The following ALK variants were observed in gnomAD, a reference collection of about 807,000 sequenced individuals.
ALK encodes the protein ALK receptor tyrosine kinase.
In ALK, 74 loss-of-function variants were observed where a neutral mutation model predicts 163.1. The ratio of observed to expected loss-of-function variants is 0.45; its 90% CI spans 0.38 to 0.55. The LOEUF (loss-of-function observed/expected upper bound fraction) is 0.55, where lower values mean the gene tolerates loss of function less well. ALK is among the 20% of genes least tolerant of loss of function. The pLI, the probability that ALK is intolerant of heterozygous loss-of-function variation, is 0.00. For synonymous variants in ALK, 960 were observed against 843.2 expected (o/e 1.14, Z -2.40); for missense variants, 2,063 against 2,105.3 (o/e 0.98, Z 0.39).
intron 3 of ALK, among the ~76,000 whole-genome samples, chr2:29,574,381 C>A (rs927087080): frequency 6.6e-6 from 1 of 152,226 alleles, no homozygotes; most frequent in South Asian, 2.1e-4. Context: ...TAAGTATCAC[C>A]AACATGGGCC....
At chr2:29,821,407 G>A (rs1443997024) in intron 1 of ALK, among the ~76,000 whole-genome samples, 1 of 152,122 alleles carries the variant, frequency 6.6e-6, no homozygotes, top group East Asian at 1.9e-4. Context: ...CTTTCTCGGG[G>A]AAGGGGACAA....
chr2:29,516,015 G>C (rs1282944984), intron 4 of ALK, among the ~76,000 whole-genome samples: 3 of 152,116 alleles, frequency 2.0e-5, no homozygotes, highest in African/African-American at 7.3e-5. Context: ...GGTGAGTTCT[G>C]GGTCCAGTGA....
intron 3 of ALK, among the ~76,000 whole-genome samples, chr2:29,593,532 G>A (rs920077565): frequency 1.3e-5 from 2 of 152,178 alleles, no homozygotes; most frequent in Non-Finnish European, 2.9e-5. Context: ...GGACCTACAG[G>A]AGGTCCCCAA....
intron 1 of ALK, among the ~76,000 whole-genome samples, chr2:29,797,975 C>G (rs1664363686): frequency 1.3e-5 from 2 of 152,112 alleles, no homozygotes. Flanking sequence ...GGGTGGTAAG[C>G]TCCATATCTT....
intron 26 of ALK, among the ~76,000 whole-genome samples, chr2:29,203,363 T>G (rs1669228459): frequency 6.6e-6 from 1 of 152,058 alleles, no homozygotes; most frequent in South Asian, 2.1e-4. Context: ...TGTGGTGCTG[T>G]TAAGCAATTT....
At chr2:29,600,132 A>C (rs1675342066) in intron 3 of ALK, among the ~76,000 whole-genome samples, 1 of 152,186 alleles carries the variant, frequency 6.6e-6, no homozygotes, top group South Asian at 2.1e-4. Flanking sequence ...CTTCCCCTCA[A>C]GTCTAGGGCT....
chr2:29,395,764 T>C (rs1669288038), intron 4 of ALK, among the ~76,000 whole-genome samples: 1 of 151,676 alleles, frequency 6.6e-6, no homozygotes, highest in Non-Finnish European at 1.5e-5. Context: ...CAGGGAGGAG[T>C]GAGGAAGGAG....
intron 4 of ALK, among the ~76,000 whole-genome samples, chr2:29,402,191 G>A (rs74853748): frequency 0.035 from 5,262 of 152,322 alleles, 116 homozygotes; most frequent in Non-Finnish European, 0.05. Context: ...CAAACAGCCC[G>A]TGCCTGTTAC....
At chr2:29,892,764 G>C (rs944828130) in intron 1 of ALK, among the ~76,000 whole-genome samples, 3 of 152,180 alleles carry the variant, frequency 2.0e-5, no homozygotes, top group Non-Finnish European at 4.4e-5. Flanking sequence ...CAATGAGAAT[G>C]CATCTTCTTC....
chr2:29,698,084 C>T (rs914244085), intron 2 of ALK, among the ~76,000 whole-genome samples: 1 of 152,188 alleles, frequency 6.6e-6, no homozygotes, highest in African/African-American at 2.4e-5. Flanking sequence ...AAGGTTAATA[C>T]TCCTTGCCCT....
chr2:29,733,515 A>G (rs1679804781), intron 1 of ALK, among the ~76,000 whole-genome samples: 1 of 152,206 alleles, frequency 6.6e-6, no homozygotes, highest in African/African-American at 2.4e-5. Context: ...ACTTCTTCAC[A>G]CTTCACTTTC....
chr2:29,823,426 G>C (rs574216710), intron 1 of ALK, among the ~76,000 whole-genome samples: 1 of 152,150 alleles, frequency 6.6e-6, no homozygotes, highest in Non-Finnish European at 1.5e-5. Context: ...GAACAGTTTG[G>C]GGGGCTCAGA....
Position 29,227,602 on chromosome 2 carries a change from C to G in ALK, c.2886G>C (p.Leu962=). 1 of 1,614,082 alleles carries G rather than the reference C, an allele frequency of 6.2e-7. No homozygotes were observed. The highest frequency in any genetic ancestry group is 8.5e-7 in the Non-Finnish European group (1 of 1,180,008). ...GEDGVSFISP[L]GILYTPALKV... The stretch of plus-strand genomic sequence containing the variant: ...TTAAAGCTGGGGTGTACAGGATGCC[C>G]AGTGGACTGATGAAGGAAACCCCAT... Residue 962 remains leucine (L), a synonymous_variant, in exon 17 of 29, where the codon CTG becomes CTC. Transcript: ENST00000389048. The surrounding 1 kb of genome is among the most constrained non-coding windows in gnomAD (Gnocchi z 4.4).
chr2:29,256,741 C>G (rs1219653236), intron 11 of ALK, among the ~76,000 whole-genome samples: 1 of 151,938 alleles, frequency 6.6e-6, no homozygotes, highest in Non-Finnish European at 1.5e-5. Flanking sequence ...GGTCACTATA[C>G]TGAGGTGAGT....
intron 4 of ALK, among the ~76,000 whole-genome samples, chr2:29,397,530 T>C (rs1210275356): frequency 6.6e-6 from 1 of 152,214 alleles, no homozygotes; most frequent in African/African-American, 2.4e-5. Flanking sequence ...CTAATACAGG[T>C]CGATCATTCA....
At chr2:29,681,735 C>T (rs1299546099) in intron 3 of ALK, among the ~76,000 whole-genome samples, 3 of 151,876 alleles carry the variant, frequency 2.0e-5, no homozygotes, top group Admixed American at 6.6e-5. Flanking sequence ...CTTTCACCTA[C>T]AACCCCCCTG....
chr2:29,719,136 T>C (rs963614827), intron 1 of ALK, among the ~76,000 whole-genome samples: 3 of 152,338 alleles, frequency 2.0e-5, no homozygotes, highest in Non-Finnish European at 4.4e-5. Context: ...TAAAGGCCCT[T>C]GTGCCCTGCA....
At chr2:29,498,370 A>G (rs939563807) in intron 4 of ALK, among the ~76,000 whole-genome samples, 1 of 151,158 alleles carries the variant, frequency 6.6e-6, no homozygotes, top group Admixed American at 6.6e-5. Context: ...TTGAACTGTG[A>G]TTTTTTTTTT....
At chr2:29,294,667 G>A (rs544489168) in intron 9 of ALK, among the ~76,000 whole-genome samples, 2 of 152,312 alleles carry the variant, frequency 1.3e-5, no homozygotes, top group East Asian at 3.9e-4. Flanking sequence ...ACTCTGTGTA[G>A]ACTCTTTCAA....
Sources: gnomAD v4.1 joint callset for allele counts (sites outside exome capture counted in the v4.1 genomes callset) on GRCh38, gnomAD v4.1.1 for gene constraint, Gnocchi (gnomAD v3.1) non-coding constraint, MANE v1.5 for transcripts, NCBI Gene and HGNC (gene_info 2026-07-23, HGNC 2026-07-21) for gene names.